Variants in TLL1 observed in about 807,000 individuals in gnomAD.
TLL1 encodes tolloid-like protein 1.
Under a neutral mutation model 128.2 loss-of-function variants are expected in TLL1, and 49 were observed. The ratio of observed to expected loss-of-function variants is 0.38; its 90% CI spans 0.30 to 0.48. The LOEUF is 0.48. Ranked by LOEUF, TLL1 falls within the 20% of genes least tolerant of loss-of-function variation. TLL1 has a pLI of 0.96. For missense variants in TLL1, 1,123 were observed against 1,242.0 expected (o/e 0.90, Z 1.44); for synonymous variants, 454 against 418.8 (o/e 1.08, Z -1.03).
intron 1 of TLL1, chr4:165,875,142 G>A (rs1285275167): frequency 3.3e-5 from 5 of 152,452 alleles, no homozygotes; most frequent in Admixed American, 3.3e-4. Context: ...CCCAAGAGGT[G>A]TGGGCTTTAG....
At chr4:166,041,304 CTTTTTTTT>C (rs754411284) in intron 10 of TLL1, among the ~76,000 whole-genome samples, 1 of 52,218 alleles carries the variant, frequency 1.9e-5, no homozygotes, top group Non-Finnish European at 3.9e-5. Flanking sequence ...TTCTTTCTTT[CTTTTTTTT>C]TTTTTTTGAA....
At chr4:165,999,356 A>G (rs536196952) in intron 5 of TLL1, among the ~76,000 whole-genome samples, 2 of 152,330 alleles carry the variant, frequency 1.3e-5, no homozygotes, top group South Asian at 4.1e-4. Context: ...AGTAGGCCAA[A>G]GGAAACTTAC....
chr4:165,956,449 T>C (rs147911153), intron 1 of TLL1, among the ~76,000 whole-genome samples: 4,392 of 152,148 alleles, frequency 0.029, 85 homozygotes, highest in Non-Finnish European at 0.046. Flanking sequence ...AAGGTATTAA[T>C]GTTAATATTC....
chr4:165,982,230 ACAT>A (rs1736179475), intron 1 of TLL1, among the ~76,000 whole-genome samples: 1 of 151,966 alleles, frequency 6.6e-6, no homozygotes, highest in Admixed American at 6.6e-5. Flanking sequence ...TTAATATTAA[ACAT>A]CATGCATTTA....
At chr4:166,051,442 G>A (rs1320807264) in intron 12 of TLL1, among the ~76,000 whole-genome samples, 1 of 151,672 alleles carries the variant, frequency 6.6e-6, no homozygotes, top group African/African-American at 2.4e-5. Context: ...TGACATCGAT[G>A]GACTTGATTC....
chr4:165,934,323 C>T (rs1372160149), intron 1 of TLL1, among the ~76,000 whole-genome samples: 1 of 151,960 alleles, frequency 6.6e-6, no homozygotes, highest in Admixed American at 6.6e-5. Context: ...CCTCATTCTC[C>T]ATTTCTAAGT....
At chr4:165,983,205 G>C (rs1736232741) in intron 1 of TLL1, among the ~76,000 whole-genome samples, 1 of 151,816 alleles carries the variant, frequency 6.6e-6, no homozygotes, top group Non-Finnish European at 1.5e-5. Context: ...TTGTGGTATG[G>C]ATGATATTTT....
At chr4:166,078,064 C>A in intron 18 of TLL1, 34 bp downstream of exon 18, 3 of 1,611,616 alleles carry the variant, frequency 1.9e-6, no homozygotes, top group Non-Finnish European at 2.5e-6. Context: ...TTCCATTAAG[C>A]TGACTGCCCT....
intron 1 of TLL1, among the ~76,000 whole-genome samples, chr4:165,930,810 G>GT (rs1186036638): frequency 6.6e-6 from 1 of 152,074 alleles, no homozygotes; most frequent in African/African-American, 2.4e-5. Flanking sequence ...AAATGCAATT[G>GT]TTTAAATAAT....
At chr4:166,076,960 G>A (rs1741060909) in intron 17 of TLL1, among the ~76,000 whole-genome samples, 1 of 152,144 alleles carries the variant, frequency 6.6e-6, no homozygotes, top group African/African-American at 2.4e-5. Context: ...TGTTACCCTT[G>A]CTGTGTGGCC....
chr4:165,898,616 G>A (rs1285689960), intron 1 of TLL1, among the ~76,000 whole-genome samples: 1 of 152,146 alleles, frequency 6.6e-6, no homozygotes, highest in Admixed American at 6.5e-5. Flanking sequence ...TTGATGTGCT[G>A]ATGAATTTGG....
chr4:165,928,857 A>G (rs1054672976), intron 1 of TLL1, among the ~76,000 whole-genome samples: 3 of 152,190 alleles, frequency 2.0e-5, no homozygotes, highest in Non-Finnish European at 2.9e-5. Context: ...TGATGCAGAC[A>G]AGTTCAAGTA....
intron 1 of TLL1, among the ~76,000 whole-genome samples, chr4:165,908,006 C>T (rs1290974687): frequency 6.6e-6 from 1 of 152,214 alleles, no homozygotes; most frequent in Non-Finnish European, 1.5e-5. Flanking sequence ...CACGGAAGTG[C>T]TTCACAATAG....
intron 12 of TLL1, chr4:166,044,491 C>G: frequency 7.3e-7 from 1 of 1,374,068 alleles, no homozygotes; most frequent in Non-Finnish European, 9.9e-7. Context: ...ATTTAACTTC[C>G]CAGATGTATT....
chr4:165,937,863 CAA>C (rs202150235), intron 1 of TLL1, among the ~76,000 whole-genome samples: 1 of 121,570 alleles, frequency 8.2e-6, no homozygotes, highest in African/African-American at 3.2e-5. Context: ...ACCCCCCCCC[CAA>C]AAAAAAGCAT....
chr4:166,029,567 C>T (rs959549784), intron 9 of TLL1, among the ~76,000 whole-genome samples: 2 of 151,906 alleles, frequency 1.3e-5, no homozygotes, highest in Non-Finnish European at 2.9e-5. Flanking sequence ...GTGTACAGTT[C>T]AGTATGTTAA....
intron 7 of TLL1, among the ~76,000 whole-genome samples, chr4:166,012,934 C>T (rs1340310153): frequency 6.6e-6 from 1 of 151,698 alleles, no homozygotes; most frequent in East Asian, 1.9e-4. Context: ...TAAAATTGCT[C>T]ATAGATCATA....
intron 17 of TLL1, among the ~76,000 whole-genome samples, chr4:166,075,738 A>C (rs894041682): frequency 3.3e-5 from 5 of 152,158 alleles, no homozygotes; most frequent in African/African-American, 1.2e-4. Flanking sequence ...AGAACTACTA[A>C]GGCAAATTTT....
At chr4:166,098,676 T>C (rs755394578) in intron 19 of TLL1, among the ~76,000 whole-genome samples, 18 of 152,102 alleles carry the variant, frequency 1.2e-4, no homozygotes, top group Middle Eastern at 3.2e-3. Flanking sequence ...AATATTTCTA[T>C]CGAAGTAAAA....
Sources: gnomAD v4.1 joint callset for allele counts (sites outside exome capture counted in the v4.1 genomes callset) on GRCh38, gnomAD v4.1.1 for gene constraint, MANE v1.5 for transcripts, NCBI Gene and HGNC (gene_info 2026-07-23, HGNC 2026-07-21) for gene names.